The following MXI1 variants were observed in gnomAD, a reference collection of about 807,000 sequenced individuals.
The protein encoded by MXI1 is max-interacting protein 1.
In MXI1, 18 loss-of-function variants were observed where a neutral mutation model predicts 36.9. The ratio of observed to expected loss-of-function variants is 0.49; its 90% CI spans 0.34 to 0.72. MXI1 has a LOEUF of 0.72. MXI1 is among the 30% of genes least tolerant of loss of function. The probability of loss-of-function intolerance (pLI) is 0.01; values close to 1 mark genes in which losing one functional copy is unlikely to be tolerated. For synonymous variants in MXI1, 160 were observed against 146.7 expected, an observed-to-expected ratio of 1.09 and a Z score of -0.65; for missense variants, 304 against 379.1, an observed-to-expected ratio of 0.80 and a Z score of 1.64.
intron 4 of MXI1, 130 bp downstream of exon 4, chr10:110,279,424 T>C (rs573625102): frequency 6.5e-4 from 477 of 729,504 alleles, no homozygotes; most frequent in Non-Finnish European, 6.4e-4. Context: ...GAGAAGTCTT[T>C]CTAAAAACTT....
At chr10:110,231,732 A>G (rs1855272388) in intron 2 of MXI1, among the ~76,000 whole-genome samples, 1 of 152,220 alleles carries the variant, frequency 6.6e-6, no homozygotes, top group African/African-American at 2.4e-5. Flanking sequence ...GGGGAGCATC[A>G]GATAAGTTCA....
At chr10:110,261,867 A>G (rs1424736470) in intron 3 of MXI1, among the ~76,000 whole-genome samples, 1 of 152,098 alleles carries the variant, frequency 6.6e-6, no homozygotes, top group Non-Finnish European at 1.5e-5. Context: ...CAAGAATAAC[A>G]AAAGTGTTTA....
chr10:110,278,371 C>A (rs1207231184), intron 3 of MXI1, among the ~76,000 whole-genome samples: 1 of 151,956 alleles, frequency 6.6e-6, no homozygotes, highest in Non-Finnish European at 1.5e-5. Context: ...CACCTGTTGT[C>A]CTTGTGGATT....
chr10:110,265,625 G>A (rs924880034), intron 3 of MXI1, among the ~76,000 whole-genome samples: 1 of 152,186 alleles, frequency 6.6e-6, no homozygotes. Context: ...TAGGATAAAA[G>A]AAGTAGAAGT....
At chr10:110,263,588 G>A (rs923926477) in intron 3 of MXI1, among the ~76,000 whole-genome samples, 1 of 152,156 alleles carries the variant, frequency 6.6e-6, no homozygotes, top group Non-Finnish European at 1.5e-5. Context: ...TTTCTGTTAT[G>A]AAAACCTTTC....
chr10:110,243,245 G>C (rs569195992), intron 2 of MXI1, among the ~76,000 whole-genome samples: 1 of 152,108 alleles, frequency 6.6e-6, no homozygotes, highest in East Asian at 1.9e-4. Flanking sequence ...TCTTCTATCT[G>C]AATTCTTGAA....
Position 110,265,155 on chromosome 10 carries a change from C to G in MXI1, c.438-14025C>G, listed in dbSNP as rs530447000. ...GCTCTGAGTACGGAGGAGTTAGATG[C>G]TAGTACAGGCCCAACATTGGTTAGG... On this transcript the variant is annotated intron_variant, in intron 3 of 5. Transcript: ENST00000332674. Among the ~76,000 whole-genome samples, 168 of 152,244 alleles carry G rather than the reference C, an allele frequency of 1.1e-3. 1 individual carries two copies. In the Middle Eastern group the frequency reaches 0.014, roughly 12 times the overall value.
intron 1 of MXI1, chr10:110,227,909 A>G: frequency 2.4e-6 from 1 of 415,706 alleles, no homozygotes; most frequent in East Asian, 4.1e-5. Context: ...TTTTTGTTCT[A>G]AAGCATCTGA....
At chr10:110,247,383 T>C (rs969398018) in intron 3 of MXI1, among the ~76,000 whole-genome samples, 4 of 152,210 alleles carry the variant, frequency 2.6e-5, no homozygotes, top group Non-Finnish European at 4.4e-5. Flanking sequence ...AGAAGCCCTT[T>C]AGTTTAATTA....
chr10:110,217,015 T>A lies in MXI1; in HGVS notation c.274+8933T>A, dbSNP rs141944036. ...TTTGTCCTTGTAATTTCTACAGATGTTTTTTTTTTCTTTCACTGCCTGAGC... is the reference window on the plus strand; with the variant it reads ...TTTGTCCTTGTAATTTCTACAGATGATTTTTTTTTCTTTCACTGCCTGAGC... On this transcript the variant is annotated intron_variant, in intron 1 of 5. Coordinates refer to ENST00000332674, the MANE Select transcript of MXI1 (RefSeq NM_130439.3). 7.6e-4 allele frequency among the ~76,000 whole-genome samples: 113 copies of A among 148,564 alleles called. 1 individual carries two copies. The East Asian group carries it at 0.023, about 30-fold the overall frequency.
chr10:110,218,232 C>T (rs1266124121), intron 1 of MXI1, among the ~76,000 whole-genome samples: 2 of 151,996 alleles, frequency 1.3e-5, no homozygotes, highest in East Asian at 1.9e-4. Flanking sequence ...GGGCGGATCA[C>T]GAGGTCAGGA....
chr10:110,210,483 G>A (rs1449431299), intron 1 of MXI1, among the ~76,000 whole-genome samples: 1 of 151,972 alleles, frequency 6.6e-6, no homozygotes, highest in Non-Finnish European at 1.5e-5. Context: ...GCCGTGCCCA[G>A]TTTGGCTGCA....
rs1327719321 is a variant in MXI1 at position 110,207,874 on chromosome 10, G to A, written c.66G>A (p.Ala22=). The part of the protein sequence containing the change: ...RCEGAGLAPA[A]PPAVPPAVAA... ...AGGGCGCGGGGCTGGCCCCCGCCGC[G>A]CCCCCGGCTGTGCCCCCCGCCGTGG... Residue 22 remains alanine, a synonymous_variant, in exon 1 of 6, where the codon GCG becomes GCA. Transcript: ENST00000332674. The A allele has an allele frequency of 5.7e-6, 7 of 1,228,700 alleles. No homozygotes were observed. The highest frequency in any genetic ancestry group is 7.7e-5 in the East Asian group (2 of 26,062). 76.1% of individuals were successfully genotyped at this position (1,228,700 alleles called of 1,614,324 possible). A position where few individuals can be genotyped will look rare whatever the true frequency, so the allele number is the denominator to read the frequency against.
At chr10:110,233,571 G>A (rs944176668) in intron 2 of MXI1, among the ~76,000 whole-genome samples, 10 of 151,782 alleles carry the variant, frequency 6.6e-5, no homozygotes, top group African/African-American at 1.9e-4. Context: ...TCTTTGTTCC[G>A]TAGAAAACTC....
In MXI1 at chr10:110,208,045, C is replaced by A; in HGVS notation, c.237C>A (p.Ala79=). The A allele has an allele frequency of 1.2e-6, 2 of 1,601,854 alleles. No homozygotes were observed. The highest frequency in any genetic ancestry group is 1.7e-6 in the Non-Finnish European group (2 of 1,174,276). Residue 79 remains alanine (A), a synonymous_variant, in exon 1 of 6, where the codon GCC becomes GCA. Transcript: ENST00000332674. ...AGAACGTGCAGATTCTGCTCGAGGC[C>A]GCCAGCTACCTGGAGCAGATCGAGA... ...FLQNVQILLE[A]ASYLEQIEKE...
intron 1 of MXI1, among the ~76,000 whole-genome samples, chr10:110,212,878 C>G (rs924617329): frequency 6.6e-6 from 1 of 152,158 alleles, no homozygotes; most frequent in Non-Finnish European, 1.5e-5. Context: ...TTAGCTTTAC[C>G]TTTACAAGGA....
intron 5 of MXI1, among the ~76,000 whole-genome samples, chr10:110,282,305 GTTT>G (rs1431778870): frequency 2.6e-5 from 4 of 152,068 alleles, no homozygotes; most frequent in African/African-American, 9.7e-5. Context: ...CTTTTAAATA[GTTT>G]TTTCATCCTT....
chr10:110,283,359 G>T (rs995221494), intron 5 of MXI1, among the ~76,000 whole-genome samples: 2 of 151,630 alleles, frequency 1.3e-5, no homozygotes, highest in Non-Finnish European at 2.9e-5. Context: ...TGCCTCCTAA[G>T]TTCAAGTGTT....
chr10:110,254,315 A>G (rs1856206460), intron 3 of MXI1, among the ~76,000 whole-genome samples: 1 of 152,140 alleles, frequency 6.6e-6, no homozygotes, highest in African/African-American at 2.4e-5. Flanking sequence ...GTCACAAACC[A>G]TGCCCATATA....
Sources: allele counts gnomAD v4.1 joint callset (sites outside exome capture counted in the v4.1 genomes callset), GRCh38; gene constraint gnomAD v4.1.1; transcripts MANE v1.5; gene names NCBI Gene and HGNC (gene_info 2026-07-23, HGNC 2026-07-21).